ME3: variants seen among roughly 807,000 people sequenced by gnomAD.
ME3 encodes the protein malic enzyme 3.
Under a neutral mutation model 68.9 loss-of-function variants are expected in ME3, and 48 were observed. The ratio of observed to expected loss-of-function variants is 0.70; its 90% CI spans 0.55 to 0.89. The LOEUF is 0.89. Among genes scored for constraint, ME3 ranks in the 40% least tolerant of loss-of-function variants. The pLI is 0.00. For synonymous variants in ME3, 320 were observed against 318.8 expected (o/e 1.00, Z -0.04); for missense variants, 675 against 797.4 (o/e 0.85, Z 1.85).
intron 2 of ME3, among the ~76,000 whole-genome samples, chr11:86,568,118 C>G (rs915497884): frequency 2.0e-5 from 3 of 152,162 alleles, no homozygotes; most frequent in Admixed American, 1.3e-4. Context: ...CAATATAAGA[C>G]AGGCGGCTTT....
At chr11:86,444,422 G>C (rs2138587937) in intron 13 of ME3, among the ~76,000 whole-genome samples, 1 of 152,250 alleles carries the variant, frequency 6.6e-6, no homozygotes, top group East Asian at 1.9e-4. Context: ...GCCATACGAA[G>C]GTCTGAAATT....
chr11:86,498,020 T>G (rs1952476995), exon 6 of ME3: 2 of 1,613,076 alleles, frequency 1.2e-6, no homozygotes, highest in African/African-American at 2.7e-5. Flanking sequence ...GGTTCACCCC[T>G]CCGCATGCCG....
At chr11:86,655,687 G>A (rs891247910) in intron 2 of ME3, among the ~76,000 whole-genome samples, 9 of 151,578 alleles carry the variant, frequency 5.9e-5, no homozygotes, top group African/African-American at 1.7e-4. Context: ...CATAGGCATG[G>A]GCAAGGACTT....
intron 2 of ME3, among the ~76,000 whole-genome samples, chr11:86,578,171 GTTTCATGACCC>G (rs1958225708): frequency 6.6e-6 from 1 of 152,126 alleles, no homozygotes; most frequent in South Asian, 2.1e-4. Flanking sequence ...TATTCTGAAT[GTTTCATGACCC>G]TCTCTTCCCA....
intron 2 of ME3, among the ~76,000 whole-genome samples, chr11:86,592,598 G>A (rs1959124778): frequency 1.3e-5 from 2 of 152,120 alleles, no homozygotes; most frequent in Non-Finnish European, 2.9e-5. Context: ...AGAAGGCAAG[G>A]TTTTCATAGA....
intron 2 of ME3, among the ~76,000 whole-genome samples, chr11:86,652,944 C>G (rs1475350876): frequency 2.0e-5 from 3 of 151,302 alleles, no homozygotes; most frequent in African/African-American, 7.3e-5. Flanking sequence ...GGGTTGCAGT[C>G]CTAGTCTCTG....
intron 2 of ME3, among the ~76,000 whole-genome samples, chr11:86,596,314 T>C (rs925805729): frequency 3.0e-4 from 45 of 152,188 alleles, no homozygotes; most frequent in African/African-American, 1.1e-3. Flanking sequence ...TTTTGACTAG[T>C]GAAAAAAATG....
At chr11:86,607,516 A>G (rs1168461948) in intron 2 of ME3, among the ~76,000 whole-genome samples, 3 of 148,728 alleles carry the variant, frequency 2.0e-5, no homozygotes, top group Admixed American at 6.8e-5. Context: ...GGTGAATATC[A>G]TCAGAAAAAA....
Position 86,603,977 on chromosome 11 carries a change from G to A in ME3, c.184-44154C>T, listed in dbSNP as rs147878726. On this transcript the variant is annotated intron_variant, in intron 2 of 14. Coordinates refer to ENST00000543262, the Ensembl canonical transcript of ME3. The stretch of plus-strand genomic sequence containing the variant: ...GGGGGAGGGGGGAGGGATAGCATTA[G>A]GAGATATGCCTAATGCTAAATGATG... 3.0e-3 allele frequency among the ~76,000 whole-genome samples: 452 copies of A among 149,682 alleles called. 8 individuals are homozygous for A. Among genetic ancestry groups the A allele is most frequent in the African/African-American group, 0.01 (425 of 40,628 alleles).
At chr11:86,660,430 C>A (rs1413042615) in intron 2 of ME3, among the ~76,000 whole-genome samples, 3 of 152,220 alleles carry the variant, frequency 2.0e-5, no homozygotes, top group Non-Finnish European at 4.4e-5. Flanking sequence ...GCTTTACATA[C>A]ATTACTTCAC....
Position 86,561,977 on chromosome 11 carries a change from A to G in ME3, c.184-2154T>C, listed in dbSNP as rs550728452. 3.9e-5 allele frequency among the ~76,000 whole-genome samples: 6 copies of G among 152,314 alleles called. No individual in the cohort carries two copies. The South Asian group carries it at 1.0e-3, about 26-fold the overall frequency. Reference sequence around the variant, plus strand: ...TTCCTTCTTTATGCTGTAAAGTTCTATGGGTTTTGACAAATGCATGTCATG... The same window carrying G: ...TTCCTTCTTTATGCTGTAAAGTTCTGTGGGTTTTGACAAATGCATGTCATG... On this transcript the variant is annotated intron_variant, in intron 2 of 14. Coordinates refer to ENST00000543262, the Ensembl canonical transcript of ME3.
chr11:86,484,562 CTG>C (rs1951586985), intron 7 of ME3, among the ~76,000 whole-genome samples: 1 of 152,096 alleles, frequency 6.6e-6, no homozygotes. Flanking sequence ...GTCTGTAAAA[CTG>C]TGAACTGATT....
intron 2 of ME3, among the ~76,000 whole-genome samples, chr11:86,601,569 T>C (rs1960667591): frequency 6.6e-6 from 1 of 151,738 alleles, no homozygotes; most frequent in Non-Finnish European, 1.5e-5. Flanking sequence ...TTCCAATCAA[T>C]AGAAAAAGAG....
rs373036694 is a variant in ME3 at position 86,662,981 on chromosome 11, CCTT to C, written c.183+8778_183+8780del. Among the ~76,000 whole-genome samples the C allele has an allele frequency of 2.0e-3, 302 of 152,272 alleles. 2 individuals carry two copies. The highest frequency in any genetic ancestry group is 7.1e-3 in the African/African-American group (294 of 41,544). On this transcript the variant is annotated intron_variant, in intron 2 of 14. Transcript: ENST00000543262. ...CAATTTATAGAGATGTAGACTCCCTCCTTCAGTTTTCTGAAAGAGCAAAGCAAA... is the reference window on the plus strand; with the variant it reads ...CAATTTATAGAGATGTAGACTCCCTCCAGTTTTCTGAAAGAGCAAAGCAAA...
intron 6 of ME3, among the ~76,000 whole-genome samples, chr11:86,491,104 C>T (rs932799803): frequency 2.9e-4 from 44 of 152,118 alleles, no homozygotes; most frequent in Non-Finnish European, 2.4e-4. Flanking sequence ...ATGGATATGA[C>T]GTTAAAAAAT....
At chr11:86,521,298 G>A (rs1214979260) in intron 4 of ME3, among the ~76,000 whole-genome samples, 1 of 152,064 alleles carries the variant, frequency 6.6e-6, no homozygotes, top group Non-Finnish European at 1.5e-5. Context: ...CAGAGGCTGA[G>A]GCAGGAGAAT....
At chr11:86,460,640 G>A (rs770819555) in intron 8 of ME3, among the ~76,000 whole-genome samples, 2 of 152,224 alleles carry the variant, frequency 1.3e-5, no homozygotes, top group African/African-American at 2.4e-5. Context: ...CACGTGTGGT[G>A]TGATTTGGTT....
chr11:86,580,071 A>C (rs1958350034), intron 2 of ME3, among the ~76,000 whole-genome samples: 1 of 152,234 alleles, frequency 6.6e-6, no homozygotes, highest in South Asian at 2.1e-4. Flanking sequence ...ATCTTTAAAA[A>C]TATTTTCTCA....
At chr11:86,534,151 A>G (rs1391069859) in intron 4 of ME3, among the ~76,000 whole-genome samples, 1 of 150,286 alleles carries the variant, frequency 6.7e-6, no homozygotes. Context: ...AAATGAATGA[A>G]ATTTGCAGAA....
Sources: allele counts gnomAD v4.1 joint callset (sites outside exome capture counted in the v4.1 genomes callset), GRCh38; gene constraint gnomAD v4.1.1; transcripts MANE v1.5; gene names NCBI Gene and HGNC (gene_info 2026-07-23, HGNC 2026-07-21).